Variants in MRC1 observed in about 807,000 individuals in gnomAD.
MRC1 encodes mannose receptor C-type 1.
MRC1 carries 62 observed loss-of-function variants against 102.9 expected under a neutral mutation model. The observed-to-expected ratio is 0.60, with a 90% CI of 0.49 to 0.74. MRC1 has a LOEUF of 0.74. MRC1 is among the 30% of genes least tolerant of loss of function. The pLI is 0.00. For missense variants in MRC1, 1,237 were observed against 862.8 expected (o/e 1.43, Z -5.43); for synonymous variants, 457 against 298.4 (o/e 1.53, Z -5.48).
chr10:17,879,658 T>C (rs1833486271), intron 18 of MRC1, 63 bp from the exon 19 acceptor site: 4 of 780,802 alleles, frequency 5.1e-6, no homozygotes, highest in Non-Finnish European at 9.6e-6. Context: ...CCACTGCTCC[T>C]GGCCTGTATC....
chr10:17,818,214 A>G (rs1271163262), intron 1 of MRC1, among the ~76,000 whole-genome samples: 5 of 152,200 alleles, frequency 3.3e-5, no homozygotes, highest in Non-Finnish European at 7.3e-5. Context: ...ACCTGTAATC[A>G]TTAATCTATC....
intron 3 of MRC1, 129 bp from the exon 4 acceptor site, chr10:17,833,546 G>T (rs1332132307): frequency 1.1e-5 from 8 of 715,616 alleles, no homozygotes; most frequent in Non-Finnish European, 1.8e-5. Context: ...AAGTAGAAAG[G>T]GGGAAAAAAA....
At chr10:17,886,333 T>G (rs1301944696) in intron 22 of MRC1, among the ~76,000 whole-genome samples, 1 of 150,458 alleles carries the variant, frequency 6.6e-6, no homozygotes, top group Admixed American at 6.6e-5. Context: ...CCTTCCTTCC[T>G]TCCTTCTTCT....
rs1358712619 is a variant in MRC1, at chr10:17,851,739, C to T, written c.1250-1228C>T. ...CCTGCATTTGTTGCTGAAAAGATCA[C>T]GATCTGCAAATCAAGTGAAAGGAGA... On this transcript the variant is annotated intron_variant, in intron 7 of 29. Transcript: ENST00000569591. Among the ~76,000 whole-genome samples the T allele has an allele frequency of 1.1e-4, 17 of 152,314 alleles. No homozygotes were observed. The East Asian group carries it at 2.5e-3, about 22-fold the overall frequency.
intron 1 of MRC1, among the ~76,000 whole-genome samples, chr10:17,812,420 G>T (rs1249372157): frequency 1.3e-5 from 2 of 152,164 alleles, no homozygotes; most frequent in Non-Finnish European, 2.9e-5. Context: ...CTGGTTCCAA[G>T]AAGGAAAAGA....
At chr10:17,909,279 T>C (rs1554844084) in intron 28 of MRC1, 27 bp from the exon 29 acceptor site, 1 of 849,116 alleles carries the variant, frequency 1.2e-6, no homozygotes, top group Admixed American at 1.7e-5. Flanking sequence ...TCTGGGTTTT[T>C]ATAAATTTTT....
intron 3 of MRC1, among the ~76,000 whole-genome samples, chr10:17,832,840 C>T (rs1838598909): frequency 6.6e-6 from 1 of 152,018 alleles, no homozygotes; most frequent in Non-Finnish European, 1.5e-5. Context: ...CCGCCAGCCT[C>T]GGCCTCCCAA....
At chr10:17,867,400 T>TCTTCTCCTTCTC (rs1554841600) in intron 12 of MRC1, among the ~76,000 whole-genome samples, 4 of 148,156 alleles carry the variant, frequency 2.7e-5, no homozygotes, top group African/African-American at 1.0e-4. Context: ...TTCTTCTCCT[T>TCTTCTCCTTCTC]CTTCTTCTTC....
intron 3 of MRC1, among the ~76,000 whole-genome samples, chr10:17,829,337 A>T (rs1012803301): frequency 5.9e-5 from 9 of 151,528 alleles, no homozygotes; most frequent in African/African-American, 2.2e-4. Context: ...CTGGATTTAT[A>T]ATCCCTAATT....
At chr10:17,860,428 A>T (rs957000800) in intron 9 of MRC1, among the ~76,000 whole-genome samples, 4 of 152,038 alleles carry the variant, frequency 2.6e-5, no homozygotes, top group East Asian at 1.9e-4. Context: ...GGCACATGCC[A>T]TCATGCCTAG....
At position 17,875,268 on chromosome 10, in the gene MRC1, CA is replaced by C. The variant is rs1833414497; in HGVS notation, c.2550+16del. The C allele has an allele frequency of 2.6e-6, 2 of 778,650 alleles. No homozygotes were observed. Among genetic ancestry groups the C allele is most frequent in the Admixed American group, 3.4e-5 (2 of 58,532 alleles). 48.2% of individuals were successfully genotyped at this position (778,650 alleles called of 1,614,324 possible). On this transcript the variant is annotated intron_variant, in intron 17 of 29. Coordinates refer to ENST00000569591, the MANE Select transcript of MRC1 (RefSeq NM_002438.4). ...TATGGAAATATGTAAGGACATCAAT[CA>C]TTTTTTAAAATTTTAATAGTTTTTG...
At position 17,815,045 on chromosome 10, in the gene MRC1, C is replaced by G. The variant is rs193278909; in HGVS notation, c.61+5519C>G. ...TCTGAAACATCTCACACTGTCTGTA[C>G]GACTGATTTTGCCAAGTTAACAATA... is the stretch of plus-strand genomic sequence containing the variant. On this transcript the variant is annotated intron_variant, in intron 1 of 29. Coordinates refer to ENST00000569591, the MANE Select transcript of MRC1 (RefSeq NM_002438.4). Among the ~76,000 whole-genome samples, 824 of 152,150 alleles carry G rather than the reference C, an allele frequency of 5.4e-3. 4 individuals are homozygous for G. The highest frequency in any genetic ancestry group is 0.018 in the South Asian group (88 of 4,804).
At chr10:17,908,848 C>T (rs1056443264) in intron 28 of MRC1, among the ~76,000 whole-genome samples, 127 of 152,324 alleles carry the variant, frequency 8.3e-4, no homozygotes, top group East Asian at 2.9e-3. Flanking sequence ...GGATTACAGG[C>T]GTGAGCCACC....
At chr10:17,827,796 AT>A in intron 3 of MRC1, 81 bp downstream of exon 3, 2 of 766,854 alleles carry the variant, frequency 2.6e-6, no homozygotes, top group African/African-American at 1.7e-5. Context: ...TATCTAGAGC[AT>A]TTTTCCCCAA....
intron 26 of MRC1, among the ~76,000 whole-genome samples, chr10:17,905,910 A>G (rs1833888668): frequency 6.6e-6 from 1 of 152,194 alleles, no homozygotes; most frequent in Admixed American, 6.6e-5. Flanking sequence ...GGAAAATTTA[A>G]TGGGTTAATG....
chr10:17,897,590 A>G (rs1044149701), intron 23 of MRC1, among the ~76,000 whole-genome samples: 2 of 152,218 alleles, frequency 1.3e-5, no homozygotes, highest in Non-Finnish European at 2.9e-5. Context: ...ATACAAACTC[A>G]TGGATCAAGT....
At chr10:17,869,932 A>G (rs1397598211) in intron 12 of MRC1, among the ~76,000 whole-genome samples, 1 of 152,170 alleles carries the variant, frequency 6.6e-6, no homozygotes, top group African/African-American at 2.4e-5. Context: ...CACTTAACCA[A>G]ATTAATCTTG....
At chr10:17,837,224 C>G (rs1240578677) in intron 4 of MRC1, among the ~76,000 whole-genome samples, 1 of 152,324 alleles carries the variant, frequency 6.6e-6, no homozygotes, top group African/African-American at 2.4e-5. Flanking sequence ...TGAATCTTAT[C>G]CAAGCCTCCG....
intron 28 of MRC1, 91 bp from the exon 29 acceptor site, chr10:17,909,215 G>T: frequency 1.3e-6 from 1 of 742,346 alleles, no homozygotes; most frequent in Non-Finnish European, 2.5e-6. Flanking sequence ...ATCAAATGTG[G>T]AGGATTCCAT....
Sources: gnomAD v4.1 joint callset for allele counts (sites outside exome capture counted in the v4.1 genomes callset) on GRCh38, gnomAD v4.1.1 for gene constraint, MANE v1.5 for transcripts, NCBI Gene and HGNC (gene_info 2026-07-23, HGNC 2026-07-21) for gene names.